EFCAB6: variants seen among roughly 807,000 people sequenced by gnomAD.
EFCAB6 encodes the protein EF-hand calcium binding domain 6, also known as EF-hand calcium-binding domain-containing protein 6.
In EFCAB6, 156 loss-of-function variants were observed where a neutral mutation model predicts 169.8. That is an observed-to-expected ratio of 0.92 (90% CI 0.81 to 1.05). EFCAB6 has a LOEUF of 1.05. Among genes scored for constraint, EFCAB6 ranks in the 50% least tolerant of loss-of-function variants. EFCAB6 has a pLI of 0.00. For synonymous variants in EFCAB6, 698 were observed against 676.4 expected (o/e 1.03, Z -0.50); for missense variants, 1,800 against 1,829.1 (o/e 0.98, Z 0.29).
chr22:43,735,444 C>A (rs1421778337), intron 7 of EFCAB6, among the ~76,000 whole-genome samples: 1 of 150,906 alleles, frequency 6.6e-6, no homozygotes, highest in Non-Finnish European at 1.5e-5. Context: ...AGCACAGCAA[C>A]AACACGTGAA....
intron 24 of EFCAB6, among the ~76,000 whole-genome samples, chr22:43,581,177 T>C (rs1436067404): frequency 6.6e-6 from 1 of 152,110 alleles, no homozygotes; most frequent in East Asian, 1.9e-4. Context: ...CATGGAGGCC[T>C]TAACCAAGAA....
intron 8 of EFCAB6, among the ~76,000 whole-genome samples, chr22:43,719,149 C>T (rs1205583329): frequency 6.6e-6 from 1 of 152,186 alleles, no homozygotes; most frequent in Non-Finnish European, 1.5e-5. Flanking sequence ...TGTGCACACG[C>T]CCTGTGGCTG....
At chr22:43,723,840 T>C (rs1042432762) in intron 8 of EFCAB6, among the ~76,000 whole-genome samples, 1 of 152,186 alleles carries the variant, frequency 6.6e-6, no homozygotes, top group Non-Finnish European at 1.5e-5. Flanking sequence ...TGCACCGGAA[T>C]GTGGGGGCAG....
At chr22:43,673,710 G>C (rs1273564307) in intron 13 of EFCAB6, among the ~76,000 whole-genome samples, 1 of 152,146 alleles carries the variant, frequency 6.6e-6, no homozygotes, top group Non-Finnish European at 1.5e-5. Flanking sequence ...AACCCAGGAG[G>C]CTGAGGTTGC....
At chr22:43,654,301 G>A (rs1341819667) in intron 17 of EFCAB6, among the ~76,000 whole-genome samples, 1 of 152,226 alleles carries the variant, frequency 6.6e-6, no homozygotes, top group Admixed American at 6.5e-5. Context: ...TTCCCTGAGG[G>A]CTGTGCACCA....
Position 43,782,280 on chromosome 22 carries a change from C to G in EFCAB6, c.39G>C (p.Ser13=). 6.2e-7 allele frequency: 1 copy of G among 1,613,918 alleles called. No homozygotes were observed. Among genetic ancestry groups the G allele is most frequent in the Non-Finnish European group, 8.5e-7 (1 of 1,179,910 alleles). ...GTGTAAATTTTCGTGTGTGAGGATGCGACCTAAGCCAGTCTGGTATAATCG... is the reference window on the plus strand; with the variant it reads ...GTGTAAATTTTCGTGTGTGAGGATGGGACCTAAGCCAGTCTGGTATAATCG... The part of the protein sequence containing the change: ...KMAIIPDWLR[S]HPHTRKFTHS... The change falls in exon 3 of 32, where the codon TCG becomes TCC. Residue 13 remains serine (S), a synonymous_variant. Transcript: ENST00000262726.
At chr22:43,678,769 C>T (rs2057882641) in intron 12 of EFCAB6, among the ~76,000 whole-genome samples, 1 of 152,032 alleles carries the variant, frequency 6.6e-6, no homozygotes, top group Admixed American at 6.5e-5. Flanking sequence ...AGACTGAACA[C>T]CAAAATTGAG....
chr22:43,537,295 G>A lies in EFCAB6; in HGVS notation c.4048+82C>T. On this transcript the variant is annotated intron_variant, in intron 29 of 31. Transcript: ENST00000262726. This position sits in a 1 kb window ranked among gnomAD's most constrained non-coding sequence, Gnocchi z 4.3. ...TGCTGCTCCCTGGCCTCCACCCGGG[G>A]TGTGGCTTTGTACCCAGTGGGAACA... 5 of 1,519,092 alleles carry A rather than the reference G, an allele frequency of 3.3e-6. No homozygotes were observed. Among genetic ancestry groups the A allele is most frequent in the Non-Finnish European group, 4.5e-6 (5 of 1,122,094 alleles). 94.1% of individuals were successfully genotyped at this position (1,519,092 alleles called of 1,614,324 possible). A position where few individuals can be genotyped will look rare whatever the true frequency, so the allele number is the denominator to read the frequency against.
intron 30 of EFCAB6, 122 bp from the exon 31 acceptor site, chr22:43,531,086 C>T (rs2047035359): frequency 9.1e-6 from 12 of 1,323,612 alleles, no homozygotes; most frequent in South Asian, 1.3e-5. Flanking sequence ...CAACCTGCTC[C>T]GCTGGCTCTG....
chr22:43,738,761 T>A (rs1281915060), intron 6 of EFCAB6, among the ~76,000 whole-genome samples: 3 of 152,172 alleles, frequency 2.0e-5, no homozygotes, highest in African/African-American at 7.2e-5. Context: ...CCTGCTTTAC[T>A]GACAACCTTA....
chr22:43,590,405 T>TTG (rs201709187), intron 23 of EFCAB6, among the ~76,000 whole-genome samples, 176 bp from the exon 24 acceptor site: 1 of 68,170 alleles, frequency 1.5e-5, no homozygotes, highest in African/African-American at 5.7e-5. Flanking sequence ...CCCAGAAATA[T>TTG]TATGTCTGTA....
In EFCAB6 at chr22:43,795,819, A is replaced by AACACACACAC. The variant is rs140641457; in HGVS notation, c.-8+13166_-8+13175dup. 6.7e-6 allele frequency among the ~76,000 whole-genome samples: 1 copy of AACACACACAC among 148,792 alleles called. No homozygotes were observed. The highest frequency in any genetic ancestry group is 1.5e-5 in the Non-Finnish European group (1 of 66,924). On this transcript the variant is annotated intron_variant, in intron 2 of 31. Coordinates refer to ENST00000262726, the MANE Select transcript of EFCAB6 (RefSeq NM_022785.4). This position sits in a 1 kb window ranked among gnomAD's most constrained non-coding sequence, Gnocchi z 4.2. ...GCCATTCAGACAGCACTCGCCTCCC[A>AACACACACAC]ACACACACACACACACACACACTAC...
At chr22:43,606,635 G>A (rs1422018626) in intron 22 of EFCAB6, among the ~76,000 whole-genome samples, 1 of 152,232 alleles carries the variant, frequency 6.6e-6, no homozygotes, top group Non-Finnish European at 1.5e-5. Context: ...CAGGAGTCAT[G>A]CCCACGCATC....
intron 2 of EFCAB6, among the ~76,000 whole-genome samples, chr22:43,805,828 C>T (rs759148325): frequency 1.3e-5 from 2 of 152,110 alleles, no homozygotes; most frequent in African/African-American, 2.4e-5. Context: ...GAGCTATGTA[C>T]ATGGATTATG....
intron 27 of EFCAB6, among the ~76,000 whole-genome samples, chr22:43,550,166 G>C (rs1231754616): frequency 6.6e-6 from 1 of 152,166 alleles, no homozygotes; most frequent in South Asian, 2.1e-4. Context: ...GTGGAGCGTA[G>C]GGCACCTGGA....
At chr22:43,532,379 G>T (rs1446272705) in intron 30 of EFCAB6, among the ~76,000 whole-genome samples, 1 of 152,216 alleles carries the variant, frequency 6.6e-6, no homozygotes, top group African/African-American at 2.4e-5. Context: ...GCCCGTGCAC[G>T]TCCTAGCAAG....
chr22:43,576,281 C>T lies in EFCAB6; in HGVS notation c.3420+16G>A. On this transcript the variant is annotated intron_variant, in intron 26 of 31. Transcript: ENST00000262726. ...TCATTTTCAAAGAGATGCTTATGTG[C>T]TGCAGACATTCTTACCTCCTCAAGG... 1 of 1,567,912 alleles carries T rather than the reference C, an allele frequency of 6.4e-7. No homozygotes were observed. Among genetic ancestry groups the T allele is most frequent in the Non-Finnish European group, 8.6e-7 (1 of 1,166,518 alleles).
At chr22:43,732,017 C>T (rs1207124223) in intron 7 of EFCAB6, among the ~76,000 whole-genome samples, 1 of 152,044 alleles carries the variant, frequency 6.6e-6, no homozygotes, top group Admixed American at 6.5e-5. Context: ...CTCCAACCTA[C>T]AGATGGATGC....
At chr22:43,654,773 C>A (rs1446122031) in intron 17 of EFCAB6, among the ~76,000 whole-genome samples, 1 of 152,140 alleles carries the variant, frequency 6.6e-6, no homozygotes, top group East Asian at 1.9e-4. Flanking sequence ...GTGAAGAAAC[C>A]AGGGACACTT....
Sources: allele counts gnomAD v4.1 joint callset (sites outside exome capture counted in the v4.1 genomes callset), GRCh38; gene constraint gnomAD v4.1.1; non-coding constraint Gnocchi (gnomAD v3.1); transcripts MANE v1.5; gene names NCBI Gene and HGNC (gene_info 2026-07-23, HGNC 2026-07-21).